Variants in LRRC37A2 observed in about 807,000 individuals in gnomAD.
LRRC37A2 encodes the protein leucine-rich repeat-containing protein 37A2.
In LRRC37A2, 9 loss-of-function variants were observed where a neutral mutation model predicts 68.8. The ratio of observed to expected loss-of-function variants is 0.13; its 90% CI spans 0.08 to 0.23. The LOEUF (loss-of-function observed/expected upper bound fraction) is 0.23, where lower values mean the gene tolerates loss of function less well. Ranked by LOEUF, LRRC37A2 falls within the 10% of genes least tolerant of loss-of-function variation. The pLI, the probability that LRRC37A2 is intolerant of heterozygous loss-of-function variation, is 1.00. For missense variants in LRRC37A2, 168 were observed against 950.4 expected (o/e 0.18, Z 10.82); for synonymous variants, 63 against 367.6 (o/e 0.17, Z 9.48).
chr17:46,816,281 CAT>C, the LRRC37A2 span, among the ~76,000 whole-genome samples: 1 of 152,136 alleles, frequency 6.6e-6, no homozygotes, highest in Non-Finnish European at 1.5e-5. Flanking sequence ...TACATACACA[CAT>C]CACAGCACCA....
chr17:46,790,235 A>G, the LRRC37A2 span, among the ~76,000 whole-genome samples: 1 of 152,066 alleles, frequency 6.6e-6, no homozygotes, highest in Non-Finnish European at 1.5e-5. Context: ...GTTTGCAAAC[A>G]TGCACTCAGC....
chr17:47,001,204 T>A, the LRRC37A2 span, among the ~76,000 whole-genome samples: 1 of 152,044 alleles, frequency 6.6e-6, no homozygotes, highest in Non-Finnish European at 1.5e-5. Context: ...AACTGAGTAT[T>A]ATGGGGGTAT....
the LRRC37A2 span, chr17:47,018,263 C>T: frequency 6.2e-7 from 1 of 1,611,416 alleles, no homozygotes; most frequent in Non-Finnish European, 8.5e-7. Context: ...AACTTTCCAT[C>T]AGTGAGCAGC....
the LRRC37A2 span, among the ~76,000 whole-genome samples, chr17:46,858,085 A>G: frequency 0.19 from 28,587 of 152,066 alleles, 3,306 homozygotes; most frequent in East Asian, 0.37. Flanking sequence ...ATGCGCCACC[A>G]TGCTCGGCTA....
chr17:46,799,279 T>C, the LRRC37A2 span, among the ~76,000 whole-genome samples: 3 of 152,092 alleles, frequency 2.0e-5, no homozygotes, highest in Admixed American at 2.0e-4. Context: ...CAACATAAAG[T>C]GTGTGGGATT....
At chr17:46,765,259 C>T in the LRRC37A2 span, among the ~76,000 whole-genome samples, 14 of 152,222 alleles carry the variant, frequency 9.2e-5, no homozygotes, top group African/African-American at 1.2e-4. Context: ...CATCCAAGGT[C>T]TCTCAGCAAG....
chr17:47,027,224 A>T, the LRRC37A2 span, among the ~76,000 whole-genome samples: 1 of 151,978 alleles, frequency 6.6e-6, no homozygotes, highest in Admixed American at 6.6e-5. Context: ...TATTTTTTTT[A>T]ATATTAGAAA....
chr17:46,842,826 T>G, the LRRC37A2 span, among the ~76,000 whole-genome samples: 2 of 152,228 alleles, frequency 1.3e-5, no homozygotes, highest in East Asian at 3.8e-4. Flanking sequence ...AATCAGACAG[T>G]GCACCTCTTC....
At chr17:46,785,061 G>T in the LRRC37A2 span, among the ~76,000 whole-genome samples, 2 of 152,182 alleles carry the variant, frequency 1.3e-5, no homozygotes, top group South Asian at 4.1e-4. Context: ...ACAGGCGTGA[G>T]CCACCGTGCC....
chr17:46,497,352 T>C, the LRRC37A2 span, among the ~76,000 whole-genome samples: 1 of 149,656 alleles, frequency 6.7e-6, no homozygotes, highest in East Asian at 2.0e-4. Context: ...TTCTGGTTAT[T>C]TCTTTTTTGG....
At chr17:46,929,773 CAA>C in the LRRC37A2 span, 2 of 585,058 alleles carry the variant, frequency 3.4e-6, no homozygotes, top group Non-Finnish European at 6.2e-6. Flanking sequence ...TGGAATCCCA[CAA>C]GTCTTATCCC....
the LRRC37A2 span, among the ~76,000 whole-genome samples, chr17:46,890,219 C>G: frequency 5.3e-5 from 8 of 152,290 alleles, no homozygotes; most frequent in South Asian, 1.7e-3. Context: ...CAGATTAGAG[C>G]CCATTACGTT....
chr17:46,875,011 C>T, the LRRC37A2 span: 9 of 1,600,086 alleles, frequency 5.6e-6, no homozygotes, highest in Admixed American at 6.7e-5. Context: ...CCGCCTCTGG[C>T]CCTCAGAGGG....
At chr17:46,920,400 T>C in the LRRC37A2 span, among the ~76,000 whole-genome samples, 1 of 152,186 alleles carries the variant, frequency 6.6e-6, no homozygotes, top group Non-Finnish European at 1.5e-5. Flanking sequence ...CTGTGCATGG[T>C]ACATTGTAGA....
At chr17:46,883,203 T>G in the LRRC37A2 span, among the ~76,000 whole-genome samples, 3 of 151,844 alleles carry the variant, frequency 2.0e-5, no homozygotes, top group Non-Finnish European at 4.4e-5. Flanking sequence ...AGGATGGTCT[T>G]GATCTCCTGA....
the LRRC37A2 span, among the ~76,000 whole-genome samples, chr17:46,761,143 G>C: frequency 6.6e-6 from 1 of 152,180 alleles, no homozygotes; most frequent in African/African-American, 2.4e-5. Context: ...CCGATTCGTT[G>C]TATGGCTGAA....
chr17:46,831,744 G>A, the LRRC37A2 span, among the ~76,000 whole-genome samples: 1 of 152,254 alleles, frequency 6.6e-6, no homozygotes, highest in Non-Finnish European at 1.5e-5. Context: ...CAGGGTTCCA[G>A]CTTCAGCTTT....
the LRRC37A2 span, among the ~76,000 whole-genome samples, chr17:46,881,924 T>C: frequency 6.6e-6 from 1 of 152,202 alleles, no homozygotes. Flanking sequence ...CTAAGAGATG[T>C]AACATTGACA....
At chr17:46,663,150 T>TA in the LRRC37A2 span, among the ~76,000 whole-genome samples, 2 of 82,518 alleles carry the variant, frequency 2.4e-5, no homozygotes, top group Non-Finnish European at 5.3e-5. Flanking sequence ...CATATACACT[T>TA]AAAAAAAATA....
Sources: gnomAD v4.1 joint callset for allele counts (sites outside exome capture counted in the v4.1 genomes callset) on GRCh38, gnomAD v4.1.1 for gene constraint, MANE v1.5 for transcripts, NCBI Gene and HGNC (gene_info 2026-07-23, HGNC 2026-07-21) for gene names.